The following PPP1R14C variants were observed in gnomAD, a reference collection of about 807,000 sequenced individuals.
PPP1R14C encodes the protein protein phosphatase 1 regulatory subunit 14C.
Under a neutral mutation model 20.4 loss-of-function variants are expected in PPP1R14C, and 16 were observed. The ratio of observed to expected loss-of-function variants is 0.78; its 90% CI spans 0.53 to 1.19. PPP1R14C has a LOEUF of 1.19. Ranked by LOEUF, PPP1R14C falls within the 50% of genes most tolerant of loss-of-function variation. The probability of loss-of-function intolerance (pLI) is 0.00; values close to 1 mark genes in which losing one functional copy is unlikely to be tolerated. For missense variants in PPP1R14C, 211 were observed against 220.1 expected (o/e 0.96, Z 0.26); for synonymous variants, 91 against 91.0 (o/e 1.00, Z 0.00).
chr6:150,203,027 C>T (rs929877608), intron 1 of PPP1R14C, among the ~76,000 whole-genome samples: 2 of 152,150 alleles, frequency 1.3e-5, no homozygotes, highest in Non-Finnish European at 2.9e-5. Flanking sequence ...AATCTTGCTA[C>T]ATTATTATTA....
intron 1 of PPP1R14C, among the ~76,000 whole-genome samples, chr6:150,175,477 T>G: frequency 6.6e-6 from 1 of 152,354 alleles, no homozygotes; most frequent in Middle Eastern, 3.4e-3. Context: ...CTGTTAATAT[T>G]GTGAGTCCTT....
At chr6:150,246,081 G>T (rs1029243829) in intron 3 of PPP1R14C, among the ~76,000 whole-genome samples, 4 of 152,066 alleles carry the variant, frequency 2.6e-5, no homozygotes, top group South Asian at 4.1e-4. Context: ...GTACATCATG[G>T]TTAGCTTTGT....
chr6:150,190,587 C>T (rs1777730036), intron 1 of PPP1R14C, among the ~76,000 whole-genome samples: 4 of 152,146 alleles, frequency 2.6e-5, no homozygotes, highest in Admixed American at 2.0e-4. Flanking sequence ...CCAGCACACC[C>T]AGCTAATTTT....
chr6:150,148,921 A>G (rs1777210165), intron 1 of PPP1R14C, among the ~76,000 whole-genome samples: 2 of 152,068 alleles, frequency 1.3e-5, no homozygotes, highest in African/African-American at 4.8e-5. Flanking sequence ...AAAATTAGCC[A>G]AAGATGGTGG....
chr6:150,229,246 AT>A (rs1230101167), intron 3 of PPP1R14C, among the ~76,000 whole-genome samples: 1 of 152,262 alleles, frequency 6.6e-6, no homozygotes, highest in African/African-American at 2.4e-5. Context: ...TTTGTAGCAA[AT>A]AATACACTCC....
intron 1 of PPP1R14C, among the ~76,000 whole-genome samples, chr6:150,212,393 G>C (rs1194797460): frequency 2.6e-5 from 4 of 152,188 alleles, no homozygotes; most frequent in African/African-American, 9.7e-5. Flanking sequence ...ACAGAGAGCC[G>C]TGCACAGTCC....
intron 1 of PPP1R14C, chr6:150,194,813 C>T (rs2114890979): frequency 1.0e-6 from 1 of 985,376 alleles, no homozygotes; most frequent in Non-Finnish European, 1.2e-6. Flanking sequence ...TATTCTTTAG[C>T]ATCTCAGTGA....
At chr6:150,196,607 A>G (rs1468964589) in intron 1 of PPP1R14C, among the ~76,000 whole-genome samples, 1 of 152,228 alleles carries the variant, frequency 6.6e-6, no homozygotes, top group Admixed American at 6.5e-5. Context: ...AACATAGATC[A>G]GCATAAAGAA....
In PPP1R14C at chr6:150,248,933, T is replaced by TG. The variant is rs1463523098; in HGVS notation, c.*113_*114insG. On this transcript the variant is annotated 3_prime_UTR_variant, in exon 4 of 4. Coordinates refer to ENST00000361131, the MANE Select transcript of PPP1R14C (RefSeq NM_030949.3). ...CCTTATGAACAACGTTTTTGTTTTT[T>TG]TTTTTTTCTTTTTTGGTGTGAAGGT... The TG allele has an allele frequency of 8.7e-6, 5 of 574,468 alleles. No homozygotes were observed. The allele number at this position is 574,468 out of a possible 1,614,324, so 35.6% of individuals were successfully genotyped here. A position where few individuals can be genotyped will look rare whatever the true frequency, so the allele number is the denominator to read the frequency against.
At chr6:150,242,569 A>T (rs539424896) in intron 3 of PPP1R14C, among the ~76,000 whole-genome samples, 2 of 152,240 alleles carry the variant, frequency 1.3e-5, no homozygotes, top group Non-Finnish European at 2.9e-5. Flanking sequence ...CCTTAAGTTG[A>T]TAAAAAATAT....
At chr6:150,153,740 A>G (rs1388432004) in intron 1 of PPP1R14C, among the ~76,000 whole-genome samples, 1 of 152,212 alleles carries the variant, frequency 6.6e-6, no homozygotes, top group East Asian at 1.9e-4. Flanking sequence ...AGAAGACCAG[A>G]ACGTGGGTGG....
chr6:150,167,738 G>A (rs1200537532), intron 1 of PPP1R14C, among the ~76,000 whole-genome samples: 1 of 152,086 alleles, frequency 6.6e-6, no homozygotes, highest in African/African-American at 2.4e-5. Context: ...AGCGTGTCCC[G>A]AGAGGCAGTG....
intron 1 of PPP1R14C, among the ~76,000 whole-genome samples, chr6:150,197,702 C>T (rs936731004): frequency 1.3e-5 from 2 of 151,526 alleles, no homozygotes; most frequent in African/African-American, 2.4e-5. Context: ...CCTGGATGCC[C>T]GGCTTTGTGT....
chr6:150,155,878 A>C (rs1178380169), intron 1 of PPP1R14C, among the ~76,000 whole-genome samples: 1 of 151,786 alleles, frequency 6.6e-6, no homozygotes, highest in Non-Finnish European at 1.5e-5. Flanking sequence ...TACAAAAATT[A>C]GCCAGGTGTG....
intron 2 of PPP1R14C, among the ~76,000 whole-genome samples, chr6:150,216,609 A>G (rs1393654555): frequency 6.6e-6 from 1 of 152,216 alleles, no homozygotes; most frequent in Non-Finnish European, 1.5e-5. Context: ...TATGTAGCAC[A>G]TGTGTATGCA....
chr6:150,187,247 CTGTGTGTGTGTGTGTGTGTGTG>C (rs61153538), intron 1 of PPP1R14C, among the ~76,000 whole-genome samples: 3 of 141,496 alleles, frequency 2.1e-5, no homozygotes, highest in South Asian at 2.3e-4. Context: ...TTCTCTTTCT[CTGTGTGTGTGTGTGTGTGTGTG>C]TGTGTGTGTG....
rs181536499 is a variant in PPP1R14C, at chr6:150,170,362, T to G, written c.306+26864T>G. 7.1e-3 allele frequency among the ~76,000 whole-genome samples: 1,069 copies of G among 151,408 alleles called. 8 individuals are homozygous for G. Among genetic ancestry groups the G allele is most frequent in the African/African-American group, 0.023 (957 of 41,252 alleles). On this transcript the variant is annotated intron_variant, in intron 1 of 3. Coordinates refer to ENST00000361131, the MANE Select transcript of PPP1R14C (RefSeq NM_030949.3). ...TTTTGAGATGGAGTCTCACTCTGTC[T>G]CCCAGGCTGGAGTGCAGTGGCGCGA... is the stretch of plus-strand genomic sequence containing the variant.
chr6:150,223,964 G>T (rs770513323), intron 3 of PPP1R14C, among the ~76,000 whole-genome samples: 1 of 152,104 alleles, frequency 6.6e-6, no homozygotes, highest in Non-Finnish European at 1.5e-5. Context: ...ATTACCTTTT[G>T]GGAGATTTAT....
chr6:150,187,323 C>T (rs988238204), intron 1 of PPP1R14C, among the ~76,000 whole-genome samples: 6 of 147,608 alleles, frequency 4.1e-5, no homozygotes, highest in African/African-American at 1.5e-4. Flanking sequence ...CTTTTAAGTT[C>T]GGGGTATAAG....
Sources: allele counts gnomAD v4.1 joint callset (sites outside exome capture counted in the v4.1 genomes callset), GRCh38; gene constraint gnomAD v4.1.1; transcripts MANE v1.5; gene names NCBI Gene and HGNC (gene_info 2026-07-23, HGNC 2026-07-21).